The following AMZ2 variants were observed in gnomAD, a reference collection of about 807,000 sequenced individuals.
AMZ2 encodes archaelysin family metallopeptidase 2.
In AMZ2, 26 loss-of-function variants were observed where a neutral mutation model predicts 36.7. The observed-to-expected ratio is 0.71, with a 90% CI of 0.52 to 0.98. The LOEUF (loss-of-function observed/expected upper bound fraction) is 0.98. Ranked by LOEUF, AMZ2 falls within the 50% of genes least tolerant of loss-of-function variation. AMZ2 has a pLI of 0.00. For synonymous variants in AMZ2, 144 were observed against 149.1 expected (o/e 0.97, Z 0.25); for missense variants, 394 against 430.5 (o/e 0.92, Z 0.75).
upstream of AMZ2, chr17:68,247,987 G>A (rs2074111958): frequency 3.0e-6 from 3 of 985,746 alleles, no homozygotes; most frequent in South Asian, 1.4e-4. Flanking sequence ...CGTGCGCGAC[G>A]CAGCGGCGCG....
At chr17:68,244,633 A>G (rs1555734795), upstream of AMZ2, among the ~76,000 whole-genome samples, 1 of 152,238 alleles carries the variant, frequency 6.6e-6, no homozygotes, top group Non-Finnish European at 1.5e-5. Context: ...ATATTTTCAT[A>G]TAGAGACAGA....
chr17:68,244,271 G>C (rs2073958587), upstream of AMZ2, among the ~76,000 whole-genome samples: 1 of 152,132 alleles, frequency 6.6e-6, no homozygotes, highest in African/African-American at 2.4e-5. Context: ...ATATTTTGGA[G>C]TGCAGGGCAT....
intron 1 of AMZ2, among the ~76,000 whole-genome samples, chr17:68,211,864 A>G (rs1555726161): frequency 7.1e-6 from 1 of 140,912 alleles, no homozygotes; most frequent in African/African-American, 2.5e-5. Context: ...GTATATGTAT[A>G]TATGTGTGTG....
At chr17:68,247,927 G>C (rs113588108), upstream of AMZ2, 3,079 of 985,590 alleles carry the variant, frequency 3.1e-3, 65 homozygotes, top group African/African-American at 0.048. Context: ...GCGGCCGCAC[G>C]CTCAGGGGCG....
At chr17:68,251,211 T>G in intron 4 of AMZ2, 33 bp downstream of exon 4, 8 of 1,591,120 alleles carry the variant, frequency 5.0e-6, no homozygotes, top group Non-Finnish European at 6.8e-6. Context: ...GTTAGAAGCT[T>G]CTTCAGCTTG....
At chr17:68,253,829 C>G (rs1259643847) in intron 4 of AMZ2, among the ~76,000 whole-genome samples, 8 of 151,532 alleles carry the variant, frequency 5.3e-5, no homozygotes. Flanking sequence ...TCTTGGCTCA[C>G]TGCAACTCCG....
chr17:68,222,820 T>G (rs4277406), intron 1 of AMZ2, among the ~76,000 whole-genome samples: 54,384 of 152,046 alleles, frequency 0.36, 10,585 homozygotes, highest in African/African-American at 0.52. Context: ...GAGGAAGCTT[T>G]CCTCATTCAC....
upstream of AMZ2, among the ~76,000 whole-genome samples, chr17:68,245,212 A>C (rs2073976570): frequency 6.6e-6 from 1 of 151,576 alleles, no homozygotes; most frequent in Non-Finnish European, 1.5e-5. Context: ...AAAAAAAAAA[A>C]AAACCTAACC....
intron 1 of AMZ2, among the ~76,000 whole-genome samples, chr17:68,217,099 T>C (rs1555727478): frequency 6.6e-6 from 1 of 151,764 alleles, no homozygotes; most frequent in African/African-American, 2.4e-5. Flanking sequence ...CTCAACTAAG[T>C]GGCCTTTCAG....
chr17:68,256,926 G>A lies in AMZ2; in HGVS notation c.1040G>A (p.Trp347Ter). 1 of 1,614,022 alleles carries A rather than the reference G, an allele frequency of 6.2e-7. No individual in the cohort carries two copies. The highest frequency in any genetic ancestry group is 8.5e-7 in the Non-Finnish European group (1 of 1,179,954). The part of the protein sequence containing the change: ...LPKPVEAFKE[W>*]KEWIIKCLAV... ...AAACCCGTGGAAGCCTTTAAGGAAT[G>A]GAAAGAGTGGATAATAAAATGCCTG... The change falls in exon 7 of 7, where the codon TGG becomes TAG. Residue 347 changes from tryptophan to a stop codon, truncating the protein, a stop_gained. Coordinates refer to ENST00000359904, the MANE Select transcript of AMZ2 (RefSeq NM_016627.5). LOFTEE classifies it high-confidence loss of function.
chr17:68,253,088 G>A (rs781886027), intron 4 of AMZ2, among the ~76,000 whole-genome samples: 1 of 152,060 alleles, frequency 6.6e-6, no homozygotes, highest in African/African-American at 2.4e-5. Context: ...CATTGACTAC[G>A]AAAAAAATAG....
intron 1 of AMZ2, among the ~76,000 whole-genome samples, chr17:68,239,345 A>G (rs1323660098): frequency 1.3e-5 from 2 of 152,138 alleles, no homozygotes; most frequent in Admixed American, 6.5e-5. Flanking sequence ...TGTGACCCCA[A>G]ATTACCCACT....
At chr17:68,233,496 G>A (rs1442407509) in intron 1 of AMZ2, among the ~76,000 whole-genome samples, 5 of 131,394 alleles carry the variant, frequency 3.8e-5, no homozygotes, top group Admixed American at 8.6e-5. Flanking sequence ...CGACAAGAGC[G>A]AAACTATGTC....
At chr17:68,220,562 T>C (rs77472358) in intron 1 of AMZ2, among the ~76,000 whole-genome samples, 2,873 of 149,720 alleles carry the variant, frequency 0.019, 96 homozygotes, top group African/African-American at 0.065. Flanking sequence ...ATGTCTACTA[T>C]GTCACCCATG....
chr17:68,251,965 CTGTA>C, intron 4 of AMZ2, among the ~76,000 whole-genome samples: 1 of 151,176 alleles, frequency 6.6e-6, no homozygotes, highest in South Asian at 2.1e-4. Context: ...ATTAGGAACT[CTGTA>C]TGGTAATATT....
chr17:68,212,845 G>A (rs1447893640), intron 1 of AMZ2, among the ~76,000 whole-genome samples: 1 of 152,162 alleles, frequency 6.6e-6, no homozygotes, highest in East Asian at 1.9e-4. Context: ...TGGGATTACA[G>A]GAGTGAGCCA....
chr17:68,223,445 C>T (rs567911957), intron 1 of AMZ2, among the ~76,000 whole-genome samples: 6 of 152,348 alleles, frequency 3.9e-5, no homozygotes, highest in South Asian at 2.1e-4. Context: ...TTTTGCTCAA[C>T]AGTACAAGAG....
intron 1 of AMZ2, among the ~76,000 whole-genome samples, chr17:68,242,173 T>C (rs2073915616): frequency 6.6e-6 from 1 of 152,084 alleles, no homozygotes; most frequent in South Asian, 2.1e-4. Context: ...AAAAATAGAT[T>C]GAGGAGCAGC....
At chr17:68,220,773 T>C (rs2073327782) in intron 1 of AMZ2, among the ~76,000 whole-genome samples, 3 of 139,266 alleles carry the variant, frequency 2.2e-5, no homozygotes, top group South Asian at 4.8e-4. Flanking sequence ...TTTTTTTCTT[T>C]TTCTTTCTCT....
Sources: gnomAD v4.1 joint callset for allele counts (sites outside exome capture counted in the v4.1 genomes callset) on GRCh38, gnomAD v4.1.1 for gene constraint, MANE v1.5 for transcripts, NCBI Gene and HGNC (gene_info 2026-07-23, HGNC 2026-07-21) for gene names.